The following PACRG variants were observed in gnomAD, a reference collection of about 807,000 sequenced individuals.
The protein encoded by PACRG is parkin coregulated gene protein.
PACRG carries 29 observed loss-of-function variants against 29.7 expected under a neutral mutation model. The observed-to-expected ratio is 0.98, with a 90% CI of 0.73 to 1.33. The LOEUF is 1.33. PACRG is among the 40% of genes most tolerant of loss of function. PACRG has a pLI of 0.00. For missense variants in PACRG, 279 were observed against 316.2 expected, an observed-to-expected ratio of 0.88 and a Z score of 0.89; for synonymous variants, 116 against 118.7, an observed-to-expected ratio of 0.98 and a Z score of 0.15.
At chr6:162,988,670 G>A (rs1315264185) in intron 2 of PACRG, among the ~76,000 whole-genome samples, 1 of 152,094 alleles carries the variant, frequency 6.6e-6, no homozygotes, top group Admixed American at 6.6e-5. Context: ...GGAAACAACT[G>A]AATCTATTGA....
At chr6:163,297,499 C>G (rs1784820189) in intron 4 of PACRG, among the ~76,000 whole-genome samples, 1 of 152,126 alleles carries the variant, frequency 6.6e-6, no homozygotes, top group African/African-American at 2.4e-5. Context: ...AGTGAGCTAT[C>G]TCTTATCTAT....
intron 2 of PACRG, among the ~76,000 whole-genome samples, chr6:162,855,834 A>G (rs1018000263): frequency 3.3e-5 from 5 of 152,080 alleles, no homozygotes; most frequent in Non-Finnish European, 7.4e-5. Flanking sequence ...TGGGTGGGAG[A>G]CAGGTGATTT....
At chr6:163,282,712 CAA>C (rs558182240) in intron 4 of PACRG, among the ~76,000 whole-genome samples, 1,609 of 91,184 alleles carry the variant, frequency 0.018, 30 homozygotes, top group African/African-American at 0.059. Context: ...AACTCCATCT[CAA>C]AAAAAAAAAA....
chr6:162,912,924 A>AAC (rs200369888), intron 2 of PACRG, among the ~76,000 whole-genome samples: 13,479 of 144,536 alleles, frequency 0.093, 748 homozygotes, highest in African/African-American at 0.15. Context: ...CAAACAAACA[A>AAC]AAAAAAAAAA....
In PACRG at chr6:163,315,061, A is replaced by G; in HGVS notation, c.*74A>G. On this transcript the variant is annotated 3_prime_UTR_variant, in exon 5 of 5. Transcript: ENST00000366888. ...CTGTCTCTGTTGCTTTTAGCATCTC[A>G]TTCCTTGTGACTTCCACAGCTTTCT... is the stretch of plus-strand genomic sequence containing the variant. The G allele has an allele frequency of 6.7e-7, 1 of 1,491,654 alleles. No individual in the cohort carries two copies. 92.4% of individuals were successfully genotyped at this position (1,491,654 alleles called of 1,614,324 possible).
chr6:162,863,305 T>C (rs1209245189), intron 2 of PACRG, among the ~76,000 whole-genome samples: 1 of 152,232 alleles, frequency 6.6e-6, no homozygotes, highest in African/African-American at 2.4e-5. Flanking sequence ...AGAGTTGGGC[T>C]AGGAAACTTT....
chr6:163,120,301 G>C (rs1408709727), intron 4 of PACRG, among the ~76,000 whole-genome samples: 1 of 152,156 alleles, frequency 6.6e-6, no homozygotes, highest in Non-Finnish European at 1.5e-5. Context: ...AGTCTTAAAG[G>C]ATCTCCCTTG....
At chr6:162,971,343 A>G (rs1801511808) in intron 2 of PACRG, among the ~76,000 whole-genome samples, 1 of 152,162 alleles carries the variant, frequency 6.6e-6, no homozygotes, top group Non-Finnish European at 1.5e-5. Context: ...TGTGTAATCC[A>G]CGAAGTCAGT....
intron 3 of PACRG, among the ~76,000 whole-genome samples, chr6:163,077,450 T>A (rs1488062257): frequency 1.3e-5 from 2 of 152,040 alleles, no homozygotes; most frequent in African/African-American, 2.4e-5. Context: ...GCAAGAACAT[T>A]TTACCAAGCA....
intron 2 of PACRG, among the ~76,000 whole-genome samples, chr6:162,846,621 T>A (rs1359103062): frequency 1.3e-5 from 2 of 152,176 alleles, no homozygotes; most frequent in Non-Finnish European, 2.9e-5. Context: ...GTATCCTGCC[T>A]TTTTAGATCA....
At chr6:162,881,618 G>A (rs77836784) in intron 2 of PACRG, among the ~76,000 whole-genome samples, 2,434 of 151,856 alleles carry the variant, frequency 0.016, 61 homozygotes, top group African/African-American at 0.055. Context: ...GAGACCCAGG[G>A]GTGCTCTCCA....
intron 4 of PACRG, among the ~76,000 whole-genome samples, chr6:163,314,075 G>A (rs1785547862): frequency 6.6e-6 from 1 of 152,088 alleles, no homozygotes. Context: ...GCCTTTGAAG[G>A]CCACCCTAGG....
chr6:162,783,256 G>T (rs1439309844), intron 1 of PACRG, among the ~76,000 whole-genome samples: 1 of 151,896 alleles, frequency 6.6e-6, no homozygotes, highest in Non-Finnish European at 1.5e-5. Flanking sequence ...TAAAAGTGAG[G>T]ACATTTGAGC....
intron 4 of PACRG, among the ~76,000 whole-genome samples, chr6:163,220,762 TG>T (rs1781552740): frequency 6.6e-6 from 1 of 152,232 alleles, no homozygotes; most frequent in South Asian, 2.1e-4. Context: ...GTATATGGAA[TG>T]TCTAATCATC....
intron 2 of PACRG, among the ~76,000 whole-genome samples, chr6:162,870,015 C>T (rs1044091502): frequency 6.6e-6 from 1 of 152,238 alleles, no homozygotes; most frequent in East Asian, 1.9e-4. Context: ...CTAGAAGACT[C>T]ATTAAAAGAT....
At chr6:163,259,722 A>G (rs912528614) in intron 4 of PACRG, among the ~76,000 whole-genome samples, 2 of 152,116 alleles carry the variant, frequency 1.3e-5, no homozygotes, top group African/African-American at 4.8e-5. Context: ...TCTCTACAGT[A>G]CGCCTTCCCA....
intron 1 of PACRG, among the ~76,000 whole-genome samples, chr6:162,764,280 AAG>A (rs1782609107): frequency 6.6e-6 from 1 of 152,138 alleles, no homozygotes; most frequent in Admixed American, 6.5e-5. Context: ...ATCACAAAAA[AAG>A]GGGGGAGGGG....
At chr6:162,970,815 T>C (rs1801463878) in intron 2 of PACRG, among the ~76,000 whole-genome samples, 1 of 141,724 alleles carries the variant, frequency 7.1e-6, no homozygotes, top group Non-Finnish European at 1.5e-5. Context: ...AATTACAACA[T>C]AAAGCAAAAT....
intron 4 of PACRG, among the ~76,000 whole-genome samples, chr6:163,294,500 T>G (rs1212889161): frequency 1.3e-5 from 2 of 152,116 alleles, no homozygotes; most frequent in Non-Finnish European, 1.5e-5. Flanking sequence ...AAATGTAAAA[T>G]GGCAGCCCAA....
Sources: gnomAD v4.1 joint callset for allele counts (sites outside exome capture counted in the v4.1 genomes callset) on GRCh38, gnomAD v4.1.1 for gene constraint, MANE v1.5 for transcripts, NCBI Gene and HGNC (gene_info 2026-07-23, HGNC 2026-07-21) for gene names.